CCDC38: variants seen among roughly 807,000 people sequenced by gnomAD.
CCDC38 encodes coiled-coil domain-containing protein 38.
In CCDC38, 69 loss-of-function variants were observed where a neutral mutation model predicts 72.8. The ratio of observed to expected loss-of-function variants is 0.95; its 90% CI spans 0.78 to 1.16. The LOEUF is 1.16. CCDC38 is among the 50% of genes most tolerant of loss of function. CCDC38 has a pLI of 0.00. For missense variants in CCDC38, 626 were observed against 638.9 expected (o/e 0.98, Z 0.22); for synonymous variants, 201 against 213.2 (o/e 0.94, Z 0.50).
At chr12:95,910,610 C>T (rs1015622326) in intron 4 of CCDC38, among the ~76,000 whole-genome samples, 3 of 152,070 alleles carry the variant, frequency 2.0e-5, no homozygotes, top group Admixed American at 1.3e-4. Context: ...GCCTGTAATC[C>T]CAAAACTTGG....
chr12:95,934,707 A>G (rs2080373479), intron 2 of CCDC38: 2 of 151,966 alleles, frequency 1.3e-5, no homozygotes, highest in African/African-American at 4.8e-5. Flanking sequence ...ATCAAAAAAA[A>G]AAAAAAAACT....
At chr12:95,926,268 G>C (rs1478252730) in intron 2 of CCDC38, among the ~76,000 whole-genome samples, 1 of 151,688 alleles carries the variant, frequency 6.6e-6, no homozygotes, top group African/African-American at 2.4e-5. Flanking sequence ...GTTTAGTCTT[G>C]GGAGAGTGTA....
At chr12:95,904,497 C>CA (rs2121488311) in intron 5 of CCDC38, among the ~76,000 whole-genome samples, 1 of 152,306 alleles carries the variant, frequency 6.6e-6, no homozygotes, top group African/African-American at 2.4e-5. Flanking sequence ...TGAAATCATC[C>CA]AAAGGAAGAG....
intron 13 of CCDC38, among the ~76,000 whole-genome samples, chr12:95,875,024 G>T (rs2079620950): frequency 6.6e-6 from 1 of 152,164 alleles, no homozygotes; most frequent in Admixed American, 6.5e-5. Context: ...CAGTGGAGCA[G>T]TTTATGTTCC....
intron 5 of CCDC38, chr12:95,903,693 T>C (rs2079973345): frequency 2.4e-6 from 1 of 408,608 alleles, no homozygotes; most frequent in Non-Finnish European, 4.3e-6. Flanking sequence ...TTACATTGAT[T>C]TATTTTTAAA....
chr12:95,913,928 A>G (rs539785911), intron 4 of CCDC38, among the ~76,000 whole-genome samples: 35 of 152,244 alleles, frequency 2.3e-4, no homozygotes, highest in African/African-American at 5.5e-4. Flanking sequence ...TTCATCAGAC[A>G]CAACGAGGAG....
chr12:95,891,804 A>G (rs376452907), intron 8 of CCDC38, among the ~76,000 whole-genome samples: 18 of 152,292 alleles, frequency 1.2e-4, no homozygotes, highest in Middle Eastern at 3.4e-3. Flanking sequence ...CACTTGGCAC[A>G]GTGAGAGACC....
chr12:95,901,151 T>C (rs1565953854), intron 5 of CCDC38, among the ~76,000 whole-genome samples: 1 of 152,174 alleles, frequency 6.6e-6, no homozygotes, highest in Non-Finnish European at 1.5e-5. Context: ...TCATGAACAG[T>C]AGTCTGATTA....
At chr12:95,900,074 G>A (rs1193758296) in intron 5 of CCDC38, among the ~76,000 whole-genome samples, 1 of 152,056 alleles carries the variant, frequency 6.6e-6, no homozygotes, top group East Asian at 1.9e-4. Context: ...AGTAATTGTG[G>A]TTTTTGCCAT....
chr12:95,905,941 A>T (rs974825381), intron 5 of CCDC38, among the ~76,000 whole-genome samples: 4 of 152,198 alleles, frequency 2.6e-5, no homozygotes, highest in Non-Finnish European at 5.9e-5. Context: ...GGTATCAAGG[A>T]AGCTGGAGGG....
chr12:95,870,806 A>G (rs917143406), intron 14 of CCDC38, among the ~76,000 whole-genome samples: 1 of 152,206 alleles, frequency 6.6e-6, no homozygotes, highest in Non-Finnish European at 1.5e-5. Context: ...TCCACCCTAC[A>G]TCCATAAAGT....
chr12:95,908,717 T>C (rs2080058050), intron 4 of CCDC38, among the ~76,000 whole-genome samples: 2 of 147,438 alleles, frequency 1.4e-5, no homozygotes, highest in Admixed American at 1.4e-4. Context: ...GTCACACAAC[T>C]AACCTAAGCT....
At chr12:95,925,642 GT>G (rs2080261708) in intron 2 of CCDC38, among the ~76,000 whole-genome samples, 1 of 152,136 alleles carries the variant, frequency 6.6e-6, no homozygotes, top group Non-Finnish European at 1.5e-5. Flanking sequence ...AATGCTTCCA[GT>G]TTTTGCCCAT....
In CCDC38 at chr12:95,911,266, A is replaced by T. The variant is rs1458999104; in HGVS notation, c.305-4815T>A. Reference sequence around the variant, plus strand: ...GAGGGATTCAAGATTTAAATGTAAGACCTCCATCTATAAAAAGAAATCCCA... The same window carrying T: ...GAGGGATTCAAGATTTAAATGTAAGTCCTCCATCTATAAAAAGAAATCCCA... On this transcript the variant is annotated intron_variant, in intron 4 of 15. Transcript: ENST00000344280. Among the ~76,000 whole-genome samples, 3 of 152,138 alleles carry T rather than the reference A, an allele frequency of 2.0e-5. No homozygotes were observed. In the South Asian group the frequency reaches 6.2e-4, roughly 32 times the overall value.
At chr12:95,872,186 C>G (rs2079587458) in intron 14 of CCDC38, 69 bp downstream of exon 14, 3 of 1,374,140 alleles carry the variant, frequency 2.2e-6, no homozygotes, top group Non-Finnish European at 3.1e-6. Context: ...AAGAGACTTG[C>G]TAATGTGTTT....
intron 2 of CCDC38, chr12:95,935,435 G>A (rs984397628): frequency 3.1e-4 from 56 of 180,116 alleles, no homozygotes; most frequent in Non-Finnish European, 5.0e-4. Flanking sequence ...GGAAGCAGCC[G>A]TCTTGGACCA....
rs1441419205 is a variant in CCDC38, at chr12:95,906,387, C to T, written c.369G>A (p.Glu123=). The part of the protein sequence containing the change: ...INDQRDRFLL[E]YALSTKRNTI... ...AGGGGAGAAAAGTTATTTTTACTAC[C>T]TCGAGCAGAAACCTGTCTCTCTGGT... The change falls in exon 5 of 16, where the codon GAG becomes GAA. Residue 123 remains glutamate, a splice_region_variant and synonymous_variant. Transcript: ENST00000344280. 2.2e-5 allele frequency: 36 copies of T among 1,607,940 alleles called. No homozygotes were observed. The highest frequency in any genetic ancestry group is 3.0e-5 in the Non-Finnish European group (35 of 1,175,334).
chr12:95,918,454 G>A (rs1027167963), intron 3 of CCDC38, among the ~76,000 whole-genome samples: 3 of 151,938 alleles, frequency 2.0e-5, no homozygotes, highest in African/African-American at 4.8e-5. Flanking sequence ...TCTTTGGCAC[G>A]CCTCTGTTAC....
intron 1 of CCDC38, among the ~76,000 whole-genome samples, chr12:95,941,583 C>A (rs1198585242): frequency 1.3e-5 from 2 of 152,118 alleles, no homozygotes; most frequent in Non-Finnish European, 2.9e-5. Flanking sequence ...TTAACCCATC[C>A]TTTATACATA....
Sources: allele counts gnomAD v4.1 joint callset (sites outside exome capture counted in the v4.1 genomes callset), GRCh38; gene constraint gnomAD v4.1.1; transcripts MANE v1.5; gene names NCBI Gene and HGNC (gene_info 2026-07-23, HGNC 2026-07-21).